Variants in SFSWAP observed in about 807,000 individuals in gnomAD.
SFSWAP encodes the protein splicing factor SWAP, also known as splicing factor, suppressor of white-apricot homolog.
A neutral mutation model predicts 100.7 loss-of-function variants in SFSWAP; 17 were observed. The ratio of observed to expected loss-of-function variants is 0.17; its 90% CI spans 0.12 to 0.25. SFSWAP has a LOEUF of 0.25. Among genes scored for constraint, SFSWAP ranks in the 10% least tolerant of loss-of-function variants. SFSWAP has a pLI of 1.00. For synonymous variants in SFSWAP, 504 were observed against 510.1 expected, an observed-to-expected ratio of 0.99 and a Z score of 0.16; for missense variants, 1,005 against 1,262.6, an observed-to-expected ratio of 0.80 and a Z score of 3.09.
Position 131,797,321 on chromosome 12 carries a change from C to G in SFSWAP, c.2678C>G (p.Ser893Cys). Residue 893 changes from serine to cysteine, a missense_variant, in exon 16 of 18, where the codon TCC (serine) becomes TGC (cysteine). Ser to Cys is a moderately radical substitution (Grantham distance 112, BLOSUM62 -1). Around this residue, in one of 7 missense-constraint regions of SFSWAP, gnomAD observed 295 missense variants for 347.9 expected, o/e 0.85. Coordinates refer to ENST00000261674, the MANE Select transcript of SFSWAP (RefSeq NM_004592.4). ...CACTCGGCGCACTCAGCCAGCGTCT[C>G]CCCTGTGGAGAGTCGGGGCTCCAGC... ...AAHSAHSASV[S>C]PVESRGSSQE... 1.9e-6 allele frequency: 3 copies of G among 1,611,012 alleles called. No homozygotes were observed. Among genetic ancestry groups the G allele is most frequent in the Non-Finnish European group, 2.5e-6 (3 of 1,178,746 alleles).
chr12:131,772,632 C>T (rs1315930171), intron 13 of SFSWAP, among the ~76,000 whole-genome samples: 9 of 152,184 alleles, frequency 5.9e-5, no homozygotes, highest in Non-Finnish European at 4.4e-5. Flanking sequence ...GGCCTCACGG[C>T]AGCCTCCAAG....
chr12:131,775,473 C>A (rs1252343090), intron 13 of SFSWAP, among the ~76,000 whole-genome samples: 9 of 152,278 alleles, frequency 5.9e-5, no homozygotes, highest in Admixed American at 5.9e-4. Flanking sequence ...TGGATACTGG[C>A]ATTTTTTTAG....
At position 131,714,675 on chromosome 12, in the gene SFSWAP, G is replaced by A. The variant is rs1877714052; in HGVS notation, c.389-147G>A. ...AAAAGTACATAATGATAGATATAAA[G>A]TGTGAATTTTTAAAACTATTTTACC... On this transcript the variant is annotated intron_variant, in intron 2 of 17. Coordinates refer to ENST00000261674, the MANE Select transcript of SFSWAP (RefSeq NM_004592.4). The surrounding 1 kb of genome is among the most constrained non-coding windows in gnomAD (Gnocchi z 6.0). The A allele has an allele frequency of 1.5e-6, 1 of 677,504 alleles. No homozygotes were observed. 42.0% of individuals were successfully genotyped at this position (677,504 alleles called of 1,614,324 possible).
At position 131,753,359 on chromosome 12, in the gene SFSWAP, A is replaced by G. The variant is rs765636890; in HGVS notation, c.1318A>G (p.Thr440Ala). ...SSGATSTTTTTSALAPVAAII... is the reference protein window; with the variant it reads ...SSGATSTTTTASALAPVAAII... The stretch of plus-strand genomic sequence containing the variant: ...CGGGGCCACCTCCACAACCACCACC[A>G]CAAGGTAGGTGCAGCGTCCACCGCT... Residue 440 changes from threonine to alanine, a missense_variant, in exon 8 of 18, where the codon ACA becomes GCA. Coordinates refer to ENST00000261674, the MANE Select transcript of SFSWAP (RefSeq NM_004592.4). 6 of 1,612,256 alleles carry G rather than the reference A, an allele frequency of 3.7e-6. No homozygotes were observed. The highest frequency in any genetic ancestry group is 2.5e-6 in the Non-Finnish European group (3 of 1,178,698).
intron 7 of SFSWAP, among the ~76,000 whole-genome samples, chr12:131,736,981 A>G (rs545158263): frequency 9.2e-5 from 14 of 152,266 alleles, no homozygotes; most frequent in East Asian, 3.9e-4. Context: ...CCTCCAACCC[A>G]GGATGTCTGC....
rs141099281 is a variant in SFSWAP at position 131,779,880 on chromosome 12, A to G, written c.2408+1550A>G. ...TGGCTCACTGCAACCTCTGCCTCCC[A>G]GGTTCAAGTGATTCTTCTGCCTCAG... On this transcript the variant is annotated intron_variant, in intron 14 of 17. Transcript: ENST00000261674. 6.8e-3 allele frequency among the ~76,000 whole-genome samples: 1,038 copies of G among 152,316 alleles called. 14 individuals carry two copies. Among genetic ancestry groups the G allele is most frequent in the African/African-American group, 0.024 (986 of 41,562 alleles).
rs143440872 is a variant in SFSWAP, at chr12:131,778,148, G to A, written c.2226G>A (p.Ser742=). 9.5e-5 allele frequency: 153 copies of A among 1,612,152 alleles called. No homozygotes were observed. Among genetic ancestry groups the A allele is most frequent in the Non-Finnish European group, 1.2e-4 (143 of 1,179,524 alleles). Residue 742 remains serine, a synonymous_variant, in exon 14 of 18, where the codon TCG becomes TCA. Coordinates refer to ENST00000261674, the MANE Select transcript of SFSWAP (RefSeq NM_004592.4). This position sits in a 1 kb window ranked among gnomAD's most constrained non-coding sequence, Gnocchi z 4.2. ...TLEVKPPDRP[S]SKSKDPPREE... is the part of the protein sequence containing the mutation. ...AAGTTAAACCACCCGATAGGCCTTC[G>A]AGCAAAAGCAAAGATCCACCGAGAG...
rs761555779 is a variant in SFSWAP at position 131,748,865 on chromosome 12, G to A, written c.1082-4258G>A. Among the ~76,000 whole-genome samples, 9 of 152,270 alleles carry A rather than the reference G, an allele frequency of 5.9e-5. No individual in the cohort carries two copies. In the South Asian group the frequency reaches 8.3e-4, roughly 14 times the overall value. ...TTGGATTTATTTGGAGTAGGCTTTCGTAGTACTCATAGCGTTTATTAGAGT... is the reference window on the plus strand; with the variant it reads ...TTGGATTTATTTGGAGTAGGCTTTCATAGTACTCATAGCGTTTATTAGAGT... On this transcript the variant is annotated intron_variant, in intron 7 of 17. Coordinates refer to ENST00000261674, the MANE Select transcript of SFSWAP (RefSeq NM_004592.4).
At chr12:131,769,309 G>A (rs577307600) in intron 13 of SFSWAP, among the ~76,000 whole-genome samples, 1 of 152,260 alleles carries the variant, frequency 6.6e-6, no homozygotes, top group African/African-American at 2.4e-5. Flanking sequence ...AAGGAGGGAA[G>A]GGAATTTAAG....
At chr12:131,759,674 G>A (rs950053281) in intron 11 of SFSWAP, among the ~76,000 whole-genome samples, 3 of 151,950 alleles carry the variant, frequency 2.0e-5, no homozygotes, top group East Asian at 1.9e-4. Context: ...GGTGGCGGGC[G>A]CCTGTAGTCC....
At chr12:131,773,286 C>G (rs886372549) in intron 13 of SFSWAP, among the ~76,000 whole-genome samples, 1 of 152,120 alleles carries the variant, frequency 6.6e-6, no homozygotes, top group South Asian at 2.1e-4. Flanking sequence ...TTTTTTCATG[C>G]GGTCATTTAC....
intron 7 of SFSWAP, among the ~76,000 whole-genome samples, chr12:131,732,747 GCTTTCTA>G (rs1212940124): frequency 3.9e-5 from 6 of 152,222 alleles, no homozygotes; most frequent in Non-Finnish European, 7.3e-5. Context: ...TAAACAGCCA[GCTTTCTA>G]CAGAGAAGGC....
intron 11 of SFSWAP, among the ~76,000 whole-genome samples, chr12:131,760,568 GT>G (rs1198946518): frequency 1.3e-5 from 2 of 152,152 alleles, no homozygotes; most frequent in Non-Finnish European, 2.9e-5. Context: ...TATGGACTGA[GT>G]TTTAAATGAA....
At position 131,725,259 on chromosome 12, in the gene SFSWAP, C is replaced by T. The variant is rs1878844538; in HGVS notation, c.607-146C>T. ...TGTCAAGATTTGGAGATGAGGAGTC[C>T]GAACAGCCTGGGCTCTTCCAGCTTA... On this transcript the variant is annotated intron_variant, in intron 4 of 17. Transcript: ENST00000261674. This position sits in a 1 kb window ranked among gnomAD's most constrained non-coding sequence, Gnocchi z 4.3. 7.0e-6 allele frequency: 5 copies of T among 716,816 alleles called. No individual in the cohort carries two copies. Among genetic ancestry groups the T allele is most frequent in the Admixed American group, 2.3e-5 (1 of 43,220 alleles). The allele number at this position is 716,816 out of a possible 1,614,324, so 44.4% of individuals were successfully genotyped here.
At chr12:131,723,836 G>A (rs1338061142) in intron 4 of SFSWAP, among the ~76,000 whole-genome samples, 1 of 152,212 alleles carries the variant, frequency 6.6e-6, no homozygotes, top group Non-Finnish European at 1.5e-5. Flanking sequence ...GCCCCCTTCC[G>A]GGGCTCTGTC....
chr12:131,789,090 C>G (rs1255177351), intron 15 of SFSWAP, among the ~76,000 whole-genome samples: 2 of 152,184 alleles, frequency 1.3e-5, no homozygotes, highest in Non-Finnish European at 2.9e-5. Flanking sequence ...AACTCGTCCT[C>G]CCACCTCAGC....
At chr12:131,758,363 G>A (rs1882369751) in intron 11 of SFSWAP, among the ~76,000 whole-genome samples, 1 of 150,120 alleles carries the variant, frequency 6.7e-6, no homozygotes, top group Non-Finnish European at 1.5e-5. Context: ...ACCCAAGCCT[G>A]AGACACTTGA....
Position 131,714,899 on chromosome 12 carries a change from G to T in SFSWAP, c.466G>T (p.Asp156Tyr). 6.2e-7 allele frequency: 1 copy of T among 1,614,128 alleles called. No homozygotes were observed. Among genetic ancestry groups the T allele is most frequent in the Non-Finnish European group, 8.5e-7 (1 of 1,180,024 alleles). Residue 156 changes from aspartate to tyrosine, a missense_variant, in exon 3 of 18, where the codon GAC becomes TAC. Physicochemically the swap from Asp to Tyr is radical, Grantham distance 160. Transcript: ENST00000261674. The surrounding 1 kb of genome is among the most constrained non-coding windows in gnomAD (Gnocchi z 6.0). ...TGCCGTGGGGTTCACTTACGGTAGC[G>T]ACTATTACGACCCGTCAGAGCCGAC... Reference protein sequence around the residue: ...YNAVGFTYGSDYYDPSEPTEE... With the variant: ...YNAVGFTYGSYYYDPSEPTEE...
intron 7 of SFSWAP, among the ~76,000 whole-genome samples, chr12:131,740,979 T>C (rs1226849148): frequency 2.2e-5 from 3 of 137,820 alleles, no homozygotes; most frequent in African/African-American, 8.1e-5. Context: ...TTTTTTTTTT[T>C]TTTTTTTTTT....
Sources: allele counts gnomAD v4.1 joint callset (sites outside exome capture counted in the v4.1 genomes callset), GRCh38; gene constraint gnomAD v4.1.1; regional missense constraint gnomAD v4.1.1; non-coding constraint Gnocchi (gnomAD v3.1); transcripts MANE v1.5; gene names NCBI Gene and HGNC (gene_info 2026-07-23, HGNC 2026-07-21).